SND1: variants seen among roughly 807,000 people sequenced by gnomAD.
SND1 encodes staphylococcal nuclease domain-containing protein 1.
In SND1, 38 loss-of-function variants were observed where a neutral mutation model predicts 121.7. The ratio of observed to expected loss-of-function variants is 0.31; its 90% CI spans 0.24 to 0.41. The LOEUF is 0.41. Ranked by LOEUF, SND1 falls within the 10% of genes least tolerant of loss-of-function variation. SND1 has a pLI of 1.00. For synonymous variants in SND1, 401 were observed against 447.4 expected (o/e 0.90, Z 1.31); for missense variants, 868 against 1,184.6 (o/e 0.73, Z 3.92).
At chr7:127,994,549 CAAAAAAAAAAAAAAAAAAAAAAAAAA>C (rs563548702) in intron 16 of SND1, among the ~76,000 whole-genome samples, 1 of 46,216 alleles carries the variant, frequency 2.2e-5, no homozygotes, top group African/African-American at 1.0e-4. Flanking sequence ...CACTTTTACT[CAAAAAAAAAAAAAAAAAAAAAAAAAA>C]AAAAAAAAAA....
intron 10 of SND1, among the ~76,000 whole-genome samples, chr7:127,778,938 A>G (rs902841181): frequency 2.2e-4 from 34 of 152,184 alleles, no homozygotes; most frequent in Non-Finnish European, 4.4e-4. Flanking sequence ...TAGGTCTAAA[A>G]GACTTAGACT....
chr7:127,657,566 C>T (rs1369145753), intron 1 of SND1, among the ~76,000 whole-genome samples: 2 of 152,324 alleles, frequency 1.3e-5, no homozygotes. Flanking sequence ...AATCATGGCT[C>T]ATTGCAGCCT....
At position 128,075,024 on chromosome 7, in the gene SND1, C is replaced by T. The variant is rs191812231; in HGVS notation, c.1968+334C>T. On this transcript the variant is annotated intron_variant, in intron 17 of 23. Transcript: ENST00000354725. Reference sequence around the variant, plus strand: ...GACAAAATGCCCGGGGCGCCCCTCCCTCCCCAGCCCTGACCCTTCTCTGTC... The same window carrying T: ...GACAAAATGCCCGGGGCGCCCCTCCTTCCCCAGCCCTGACCCTTCTCTGTC... Among the ~76,000 whole-genome samples, 179 of 152,384 alleles carry T rather than the reference C, an allele frequency of 1.2e-3. 1 individual carries two copies. Among genetic ancestry groups the T allele is most frequent in the Non-Finnish European group, 2.1e-3 (142 of 68,046 alleles).
chr7:128,057,000 G>A (rs1793154116), intron 16 of SND1, among the ~76,000 whole-genome samples: 1 of 152,144 alleles, frequency 6.6e-6, no homozygotes, highest in Admixed American at 6.5e-5. Flanking sequence ...CAGGCGGGTA[G>A]CATCTACAGC....
chr7:128,054,080 G>GCAGT (rs1277963551), intron 16 of SND1, among the ~76,000 whole-genome samples: 1 of 152,250 alleles, frequency 6.6e-6, no homozygotes, highest in Non-Finnish European at 1.5e-5. Flanking sequence ...TAAGTCATCG[G>GCAGT]CAGTACCCTG....
rs878866611 is a variant in SND1, at chr7:128,084,950, T to C, written c.2234+103T>C. ...TTAGCAGTCTGGTTTCCCCAGCTGG[T>C]TAATGATGGCCCCTAGCAGCTCTCC... On this transcript the variant is annotated intron_variant, in intron 19 of 23. Transcript: ENST00000354725. 66 of 1,223,694 alleles carry C rather than the reference T, an allele frequency of 5.4e-5. No individual in the cohort carries two copies. The South Asian group carries it at 8.7e-4, about 16-fold the overall frequency. 75.8% of individuals were successfully genotyped at this position (1,223,694 alleles called of 1,614,324 possible). A position where few individuals can be genotyped will look rare whatever the true frequency, so the allele number is the denominator to read the frequency against.
chr7:127,745,240 C>T (rs147016726), intron 10 of SND1, among the ~76,000 whole-genome samples: 1 of 152,262 alleles, frequency 6.6e-6, no homozygotes, highest in Non-Finnish European at 1.5e-5. Context: ...TAGCCTGTTG[C>T]TCCAGGCTGT....
chr7:127,849,987 C>T (rs1319669184), intron 12 of SND1, among the ~76,000 whole-genome samples: 1 of 152,138 alleles, frequency 6.6e-6, no homozygotes, highest in South Asian at 2.1e-4. Context: ...TTAGAGTCTT[C>T]GTGGATAGCG....
chr7:127,968,894 T>A (rs768340336), intron 15 of SND1, among the ~76,000 whole-genome samples: 7 of 152,162 alleles, frequency 4.6e-5, no homozygotes, highest in Non-Finnish European at 8.8e-5. Context: ...TTGGCTTCCT[T>A]CTATTGTAAA....
chr7:127,782,172 G>A (rs909357846), intron 10 of SND1, among the ~76,000 whole-genome samples: 2 of 152,160 alleles, frequency 1.3e-5, no homozygotes, highest in African/African-American at 2.4e-5. Flanking sequence ...TTTCTTGATT[G>A]TCTCTCCCAA....
chr7:127,790,209 C>T lies in SND1; in HGVS notation c.1153-17275C>T, dbSNP rs1584574484. ...GTTTGGAGCCGCCCAGCATCCTTGT[C>T]ATCGAGTGGTGAGGCAGAGCTTGGG... is the stretch of plus-strand genomic sequence containing the variant. On this transcript the variant is annotated intron_variant, in intron 10 of 23. Transcript: ENST00000354725. 3.9e-5 allele frequency among the ~76,000 whole-genome samples: 6 copies of T among 152,270 alleles called. 1 individual carries two copies. The South Asian group carries it at 1.2e-3, about 32-fold the overall frequency.
At position 127,747,437 on chromosome 7, in the gene SND1, C is replaced by G. The variant is rs551122729; in HGVS notation, c.1152+26037C>G. On this transcript the variant is annotated intron_variant, in intron 10 of 23. Coordinates refer to ENST00000354725, the MANE Select transcript of SND1 (RefSeq NM_014390.4). ...TTTATTCAAGGTTCAGATGGTATTG[C>G]AAGGAATTGGCATTGGGTATTGAAG... Among the ~76,000 whole-genome samples, 7 of 152,244 alleles carry G rather than the reference C, an allele frequency of 4.6e-5. No individual in the cohort carries two copies. In the South Asian group the frequency reaches 1.5e-3, roughly 32 times the overall value.
Position 128,074,656 on chromosome 7 carries a change from C to G in SND1, c.1934C>G (p.Ser645Cys), listed in dbSNP as rs141988056. ...AGCTCCTACTACAAGTCCCTGCTGT[C>G]TGCCGAGGAGGCCGCAAAGCAGAAG... is the stretch of plus-strand genomic sequence containing the variant. ...ERSSYYKSLL[S>C]AEEAAKQKKE... Residue 645 changes from serine to cysteine, a missense_variant, in exon 17 of 24, where the codon TCT (serine) becomes TGT (cysteine). By Grantham distance (112) the Ser-to-Cys change is moderately radical. This residue lies in a region of SND1 where 743 missense variants were observed against 1,071.3 expected (regional missense o/e 0.69). Coordinates refer to ENST00000354725, the MANE Select transcript of SND1 (RefSeq NM_014390.4). 154 of 1,613,504 alleles carry G rather than the reference C, an allele frequency of 9.5e-5. No homozygotes were observed. Among genetic ancestry groups the G allele is most frequent in the Admixed American group, 2.0e-4 (12 of 59,974 alleles).
Position 127,735,476 on chromosome 7 carries a change from G to T in SND1, c.1152+14076G>T, listed in dbSNP as rs1360143836. On this transcript the variant is annotated intron_variant, in intron 10 of 23. Coordinates refer to ENST00000354725, the MANE Select transcript of SND1 (RefSeq NM_014390.4). ...GCCTGTAATCCTAGCACTTTGGGAGGCCGAGAGAGGAGGATTGCTTCAGGC... is the reference window on the plus strand; with the variant it reads ...GCCTGTAATCCTAGCACTTTGGGAGTCCGAGAGAGGAGGATTGCTTCAGGC... Among the ~76,000 whole-genome samples the T allele has an allele frequency of 2.0e-5, 3 of 152,284 alleles. No homozygotes were observed. The East Asian group carries it at 5.8e-4, about 29-fold the overall frequency.
chr7:127,685,140 C>T (rs905641148), intron 1 of SND1, among the ~76,000 whole-genome samples: 3 of 152,066 alleles, frequency 2.0e-5, no homozygotes, highest in African/African-American at 7.2e-5. Context: ...AGATGTTTTA[C>T]TTTTCTTATT....
At chr7:128,027,922 C>T (rs1246548724) in intron 16 of SND1, 1 of 152,400 alleles carries the variant, frequency 6.6e-6, no homozygotes, top group East Asian at 1.9e-4. Flanking sequence ...AATGTGAAAG[C>T]ATTAGACTGA....
intron 1 of SND1, among the ~76,000 whole-genome samples, chr7:127,681,546 G>GA (rs1795728116): frequency 6.6e-6 from 1 of 152,142 alleles, no homozygotes; most frequent in Non-Finnish European, 1.5e-5. Context: ...TGTCACCTAA[G>GA]AAACCATCAC....
chr7:127,952,886 G>A (rs1039388318), intron 15 of SND1, among the ~76,000 whole-genome samples: 3 of 152,138 alleles, frequency 2.0e-5, no homozygotes, highest in South Asian at 2.1e-4. Context: ...AAAGGGGCTG[G>A]CTGCAGTGGC....
intron 2 of SND1, among the ~76,000 whole-genome samples, chr7:127,691,677 A>G (rs560414304): frequency 6.6e-6 from 1 of 151,830 alleles, no homozygotes; most frequent in African/African-American, 2.4e-5. Context: ...CAGTGGCGCA[A>G]TCTTGGCTCA....
Sources: allele counts gnomAD v4.1 joint callset (sites outside exome capture counted in the v4.1 genomes callset), GRCh38; gene constraint gnomAD v4.1.1; regional missense constraint gnomAD v4.1.1; transcripts MANE v1.5; gene names NCBI Gene and HGNC (gene_info 2026-07-23, HGNC 2026-07-21).